The following CFAP47 variants were observed in gnomAD, a reference collection of about 807,000 sequenced individuals.
The protein encoded by CFAP47 is cilia and flagella associated protein 47.
Under a neutral mutation model 148.1 loss-of-function variants are expected in CFAP47, and 29 were observed. That is an observed-to-expected ratio of 0.20 (90% CI 0.15 to 0.27). The LOEUF (loss-of-function observed/expected upper bound fraction) is 0.27, where lower values mean the gene tolerates loss of function less well. CFAP47 is among the 10% of genes least tolerant of loss of function. The probability of loss-of-function intolerance (pLI) is 1.00; values close to 1 mark genes in which losing one functional copy is unlikely to be tolerated. For missense variants in CFAP47, 1,872 were observed against 1,697.5 expected (o/e 1.10, Z -1.81); for synonymous variants, 664 against 577.3 (o/e 1.15, Z -2.15).
At chrX:35,966,366 A>C (rs1165395048) in intron 8 of CFAP47, among the ~76,000 whole-genome samples, 199 bp from the exon 9 acceptor site, 15 of 104,816 alleles carry the variant, frequency 1.4e-4, no homozygotes, top group Admixed American at 1.3e-3. Flanking sequence ...AATTTTAATA[A>C]TTTTTATTAA....
At chrX:35,934,738 A>G (rs765399770) in intron 2 of CFAP47, among the ~76,000 whole-genome samples, 40 of 110,118 alleles carry the variant, frequency 3.6e-4, no homozygotes, top group African/African-American at 1.3e-3. Flanking sequence ...GTATCACTGC[A>G]GGTTACTCAG....
At chrX:36,149,418 C>T (rs1939278637) in intron 37 of CFAP47, among the ~76,000 whole-genome samples, 195 bp downstream of exon 37, 1 of 110,427 alleles carries the variant, frequency 9.1e-6, no homozygotes, top group South Asian at 3.8e-4. Flanking sequence ...CAACATAAAA[C>T]AGCTGTTTTA....
intron 21 of CFAP47, among the ~76,000 whole-genome samples, chrX:36,012,049 C>T (rs1185542043): frequency 9.0e-6 from 1 of 110,911 alleles, no homozygotes; most frequent in East Asian, 2.8e-4. Context: ...TTTATGTGGC[C>T]AGCAAGCATT....
intron 33 of CFAP47, among the ~76,000 whole-genome samples, chrX:36,125,101 C>T: frequency 9.0e-6 from 1 of 111,210 alleles, no homozygotes; most frequent in African/African-American, 3.3e-5. Flanking sequence ...TAAATAAATG[C>T]CAAGATTGTA....
intron 26 of CFAP47, among the ~76,000 whole-genome samples, chrX:36,050,632 C>G (rs985208796): frequency 6.3e-5 from 7 of 111,993 alleles, no homozygotes; most frequent in Admixed American, 4.7e-4. Context: ...AAATTTGCAG[C>G]CTGATACTGC....
chrX:36,178,917 C>T (rs1481047032), intron 39 of CFAP47, among the ~76,000 whole-genome samples: 1 of 112,200 alleles, frequency 8.9e-6, no homozygotes, highest in Non-Finnish European at 1.9e-5. Context: ...TACTGATTGA[C>T]TAGCTACCCA....
intron 43 of CFAP47, among the ~76,000 whole-genome samples, chrX:36,200,823 A>G (rs782775208): frequency 1.8e-4 from 20 of 112,114 alleles, no homozygotes; most frequent in African/African-American, 6.5e-4. Flanking sequence ...ATAATGTTAT[A>G]TAACCTGGAA....
At position 36,085,349 on chromosome X, in the gene CFAP47, C is replaced by T. The variant is rs753159618; in HGVS notation, c.4727C>T (p.Ser1576Leu). Residue 1576 changes from serine (S) to leucine (L), a missense_variant, in exon 30 of 64, where the codon TCG (serine) becomes TTG (leucine). Physicochemically the swap from Ser to Leu is moderately radical, Grantham distance 145. Coordinates refer to ENST00000378653, the MANE Select transcript of CFAP47 (RefSeq NM_001304548.2). ...AAAATGCAATTCTACTCATCAACCT[C>T]GCCACCCCAAAAGTTTTCCAGACAG... ...VYKMQFYSSTSPPQKFSRQND... is the reference protein window; with the variant it reads ...VYKMQFYSSTLPPQKFSRQND... The T allele has an allele frequency of 1.9e-5, 23 of 1,204,141 alleles. No homozygotes were observed. Among genetic ancestry groups the T allele is most frequent in the Non-Finnish European group, 2.1e-5 (19 of 890,090 alleles).
intron 45 of CFAP47, among the ~76,000 whole-genome samples, chrX:36,209,012 A>G (rs187157980): frequency 8.9e-6 from 1 of 112,188 alleles, no homozygotes; most frequent in East Asian, 2.8e-4. Context: ...AACTTATGAA[A>G]CATACTTTGT....
At chrX:36,263,924 C>T (rs1365354619) in intron 49 of CFAP47, among the ~76,000 whole-genome samples, 1 of 111,854 alleles carries the variant, frequency 8.9e-6, no homozygotes, top group Admixed American at 9.4e-5. Flanking sequence ...TGATGTAGTA[C>T]CTGGGTATTA....
In CFAP47 at chrX:36,099,754, T is replaced by C. The variant is rs776814823; in HGVS notation, c.5002T>C (p.Ser1668Pro). ...TGTACTATTTTATTTCTTAAAGTCT[T>C]CCACTAATACGATGCCTGTGAGTTC... Reference protein sequence around the residue: ...DYKRWIEIMSSTNTMPVSSCT... With the variant: ...DYKRWIEIMSPTNTMPVSSCT... The change falls in exon 32 of 64, where the codon TCC (serine) becomes CCC (proline). Residue 1668 changes from serine to proline, a missense_variant. Coordinates refer to ENST00000378653, the MANE Select transcript of CFAP47 (RefSeq NM_001304548.2). 3 of 824,178 alleles carry C rather than the reference T, an allele frequency of 3.6e-6. No individual in the cohort carries two copies. Among genetic ancestry groups the C allele is most frequent in the Non-Finnish European group, 5.4e-6 (3 of 557,587 alleles). 67.9% of individuals were successfully genotyped at this position (824,178 alleles called of 1,213,427 possible).
intron 1 of CFAP47, among the ~76,000 whole-genome samples, chrX:35,921,972 TAAG>T (rs1935584874): frequency 9.0e-6 from 1 of 111,517 alleles, no homozygotes; most frequent in Non-Finnish European, 1.9e-5. Flanking sequence ...GGTAGAAAAA[TAAG>T]AAGACACATA....
intron 26 of CFAP47, among the ~76,000 whole-genome samples, chrX:36,062,886 A>C (rs929781082): frequency 8.9e-6 from 1 of 112,204 alleles, no homozygotes; most frequent in Non-Finnish European, 1.9e-5. Flanking sequence ...TTACATGTCT[A>C]ATGCTGCTGT....
rs58640112 is a variant in CFAP47, at chrX:36,243,647, G to GTATATATA, written c.7332+6822_7332+6829dup. Among the ~76,000 whole-genome samples the GTATATATA allele has an allele frequency of 2.1e-3, 133 of 64,201 alleles. 1 individual carries two copies. Among genetic ancestry groups the GTATATATA allele is most frequent in the Middle Eastern group, 0.012 (1 of 82 alleles). The allele number at this position is 64,201 out of a possible 115,157, so 55.8% of individuals were successfully genotyped here. On this transcript the variant is annotated intron_variant, in intron 48 of 63. Coordinates refer to ENST00000378653, the MANE Select transcript of CFAP47 (RefSeq NM_001304548.2). ...AAAAACTTAACTATTATATGTGTGT[G>GTATATATA]TATATATATATATATATATATATAT... is the stretch of plus-strand genomic sequence containing the variant.
intron 52 of CFAP47, among the ~76,000 whole-genome samples, chrX:36,300,076 A>C (rs1427478364): frequency 8.1e-5 from 9 of 111,420 alleles, no homozygotes; most frequent in African/African-American, 2.9e-4. Context: ...ACATTAAAAA[A>C]ATTTTTGGCT....
At chrX:36,372,077 AT>A (rs1941976742) in intron 62 of CFAP47, among the ~76,000 whole-genome samples, 1 of 107,015 alleles carries the variant, frequency 9.3e-6, no homozygotes, top group African/African-American at 3.4e-5. Flanking sequence ...AATACATATA[AT>A]TTAAGAAGTC....
At position 36,172,149 on chromosome X, in the gene CFAP47, G is replaced by A. The variant is rs745642986; in HGVS notation, c.6027-7196G>A. 2.4e-3 allele frequency among the ~76,000 whole-genome samples: 244 copies of A among 103,386 alleles called. 1 individual carries two copies. Among genetic ancestry groups the A allele is most frequent in the Non-Finnish European group, 3.9e-3 (197 of 49,893 alleles). The allele number at this position is 103,386 out of a possible 115,157, so 89.8% of individuals were successfully genotyped here. On this transcript the variant is annotated intron_variant, in intron 39 of 63. Transcript: ENST00000378653. ...CTTGTGATTTTTGTACATTGATTTTGTATCCTGAGACTTTGCTGAAGTTGC... is the reference window on the plus strand; with the variant it reads ...CTTGTGATTTTTGTACATTGATTTTATATCCTGAGACTTTGCTGAAGTTGC...
chrX:35,984,735 T>C (rs1157023950), intron 15 of CFAP47, among the ~76,000 whole-genome samples: 1 of 112,206 alleles, frequency 8.9e-6, no homozygotes, highest in African/African-American at 3.2e-5. Flanking sequence ...AGCAGGTTAA[T>C]TTCCATTTAA....
chrX:36,295,624 TTAAC>T (rs1234624619), intron 51 of CFAP47, among the ~76,000 whole-genome samples: 1 of 112,123 alleles, frequency 8.9e-6, no homozygotes, highest in Non-Finnish European at 1.9e-5. Context: ...TTTCTTCTCT[TTAAC>T]TTAGTGAACA....
Sources: allele counts gnomAD v4.1 joint callset (sites outside exome capture counted in the v4.1 genomes callset), GRCh38; gene constraint gnomAD v4.1.1; transcripts MANE v1.5; gene names NCBI Gene and HGNC (gene_info 2026-07-23, HGNC 2026-07-21).